LONRF1: variants seen among roughly 807,000 people sequenced by gnomAD.
LONRF1 encodes LON peptidase N-terminal domain and ring finger 1, also known as LON peptidase N-terminal domain and RING finger protein 1.
A neutral mutation model predicts 85.8 loss-of-function variants in LONRF1; 37 were observed. The ratio of observed to expected loss-of-function variants is 0.43; its 90% CI spans 0.33 to 0.57. LONRF1 has a LOEUF of 0.57. LONRF1 is among the 20% of genes least tolerant of loss of function. The pLI is 0.04. For missense variants in LONRF1, 1,036 were observed against 978.0 expected, an observed-to-expected ratio of 1.06 and a Z score of -0.79; for synonymous variants, 517 against 390.1, an observed-to-expected ratio of 1.33 and a Z score of -3.83.
chr8:12,722,060 C>A lies in LONRF1; in HGVS notation c.*1036G>T, dbSNP rs1392410989. 2 of 152,472 alleles carry A rather than the reference C, an allele frequency of 1.3e-5. No homozygotes were observed. The highest frequency in any genetic ancestry group is 2.9e-5 in the Non-Finnish European group (2 of 67,988). 9.4% of individuals were successfully genotyped at this position (152,472 alleles called of 1,614,324 possible). A position where few individuals can be genotyped will look rare whatever the true frequency, so the allele number is the denominator to read the frequency against. ...GTTTCTAGGGCAGCATGAATATAAA[C>A]CATGTTGCAGCATGGTGATCTAACT... On this transcript the variant is annotated 3_prime_UTR_variant, in exon 12 of 12. Transcript: ENST00000398246.
Position 12,737,944 on chromosome 8 carries a change from C to A in LONRF1, c.1113+51G>T, listed in dbSNP as rs568993941. 122 of 1,541,802 alleles carry A rather than the reference C, an allele frequency of 7.9e-5. 4 individuals are homozygous for A. The highest frequency in any genetic ancestry group is 7.4e-4 in the Admixed American group (33 of 44,328). On this transcript the variant is annotated intron_variant, in intron 4 of 11. Transcript: ENST00000398246. ...AACTAGGAAAGTGAAGCTCTTAACT[C>A]GTAAAGAAATGGATACGCTAAACTC... is the stretch of plus-strand genomic sequence containing the variant.
At chr8:12,738,295 G>T in intron 3 of LONRF1, 151 bp from the exon 4 acceptor site, 1 of 537,906 alleles carries the variant, frequency 1.9e-6, no homozygotes, top group Non-Finnish European at 3.1e-6. Context: ...AACACTGTAA[G>T]TTCAAAAGTC....
At chr8:12,736,365 G>C (rs1427967323) in intron 6 of LONRF1, among the ~76,000 whole-genome samples, 3 of 152,104 alleles carry the variant, frequency 2.0e-5, no homozygotes, top group Non-Finnish European at 4.4e-5. Context: ...TAAAACCATG[G>C]AGATAGGTAA....
intron 3 of LONRF1, among the ~76,000 whole-genome samples, chr8:12,739,448 C>G (rs1585241612): frequency 6.6e-6 from 1 of 151,268 alleles, no homozygotes; most frequent in Non-Finnish European, 1.5e-5. Context: ...TGACAAAAAT[C>G]TGAACAGTAG....
At chr8:12,731,981 G>T in intron 7 of LONRF1, 124 bp from the exon 8 acceptor site, 1 of 894,162 alleles carries the variant, frequency 1.1e-6, no homozygotes, top group Non-Finnish European at 1.7e-6. Context: ...GGATTAATTA[G>T]TGAGGGGAAC....
chr8:12,734,720 G>A (rs760582640), intron 7 of LONRF1, among the ~76,000 whole-genome samples: 16 of 152,082 alleles, frequency 1.1e-4, no homozygotes, highest in East Asian at 1.9e-4. Flanking sequence ...GCCCAATGTC[G>A]CAGCCATTAG....
chr8:12,741,092 G>A, intron 2 of LONRF1, 96 bp from the exon 3 acceptor site: 7 of 1,412,048 alleles, frequency 5.0e-6, no homozygotes, highest in Non-Finnish European at 6.8e-6. Flanking sequence ...GCTCAGCAGT[G>A]CCGATTCTGG....
intron 10 of LONRF1, among the ~76,000 whole-genome samples, chr8:12,728,606 C>G (rs576347170): frequency 6.6e-6 from 1 of 152,316 alleles, no homozygotes; most frequent in Non-Finnish European, 1.5e-5. Context: ...AAGTACCTAT[C>G]ACGTGTATAC....
intron 11 of LONRF1, 59 bp from the exon 12 acceptor site, chr8:12,723,313 G>T: frequency 6.7e-7 from 1 of 1,490,608 alleles, no homozygotes; most frequent in Non-Finnish European, 9.1e-7. Context: ...AACAACAGTA[G>T]CAAACCACCA....
At chr8:12,743,715 A>C (rs1799031886) in intron 1 of LONRF1, among the ~76,000 whole-genome samples, 1 of 152,162 alleles carries the variant, frequency 6.6e-6, no homozygotes, top group Admixed American at 6.5e-5. Context: ...ACTATTACAT[A>C]TGGAATTCCC....
intron 3 of LONRF1, among the ~76,000 whole-genome samples, chr8:12,738,362 A>T (rs1040381727): frequency 3.3e-5 from 5 of 152,168 alleles, no homozygotes; most frequent in Non-Finnish European, 7.4e-5. Flanking sequence ...ATGATTCAAA[A>T]CTTTGAAAGG....
At position 12,752,685 on chromosome 8, in the gene LONRF1, T is replaced by C. The variant is rs1247603464; in HGVS notation, c.721+2015A>G. ...AATATCCTCGATCCAAGAACCAGAA[T>C]CTCTGTTAACTAAAATATTATTGGT... is the stretch of plus-strand genomic sequence containing the variant. On this transcript the variant is annotated intron_variant, in intron 1 of 11. Coordinates refer to ENST00000398246, the MANE Select transcript of LONRF1 (RefSeq NM_152271.5). Among the ~76,000 whole-genome samples the C allele has an allele frequency of 7.2e-5, 11 of 152,160 alleles. No homozygotes were observed. The South Asian group carries it at 1.7e-3, about 23-fold the overall frequency.
intron 11 of LONRF1, among the ~76,000 whole-genome samples, chr8:12,724,724 A>G (rs1044088242): frequency 6.6e-6 from 1 of 152,230 alleles, no homozygotes; most frequent in South Asian, 2.1e-4. Context: ...TTCTTATTCA[A>G]TATTGTTCTT....
At position 12,739,939 on chromosome 8, in the gene LONRF1, G is replaced by A. The variant is rs565294275; in HGVS notation, c.963+935C>T. 7.9e-5 allele frequency among the ~76,000 whole-genome samples: 12 copies of A among 152,244 alleles called. No homozygotes were observed. The South Asian group carries it at 1.9e-3, about 24-fold the overall frequency. ...TACCAATGCCAGCTGGATTCTTAAG[G>A]CGGCTGAGATCTGAGAACAATCTCA... On this transcript the variant is annotated intron_variant, in intron 3 of 11. Coordinates refer to ENST00000398246, the MANE Select transcript of LONRF1 (RefSeq NM_152271.5).
At chr8:12,748,674 C>T (rs1293009544) in intron 1 of LONRF1, among the ~76,000 whole-genome samples, 1 of 152,084 alleles carries the variant, frequency 6.6e-6, no homozygotes, top group African/African-American at 2.4e-5. Flanking sequence ...ACCTTTAAAA[C>T]TTTGTGTTTA....
At chr8:12,727,189 C>T (rs1420701355) in intron 10 of LONRF1, 1 of 147,192 alleles carries the variant, frequency 6.8e-6, no homozygotes, top group Non-Finnish European at 1.5e-5. Flanking sequence ...ATGACAGGCT[C>T]TGGTAAACAA....
chr8:12,746,681 A>G (rs1016390414), intron 1 of LONRF1, among the ~76,000 whole-genome samples: 2 of 152,174 alleles, frequency 1.3e-5, no homozygotes, highest in South Asian at 4.1e-4. Context: ...ATGATTTACA[A>G]TCTTCAGCAC....
rs543871730 is a variant in LONRF1 at position 12,754,722 on chromosome 8, G to A, written c.699C>T (p.Ala233=). The A allele has an allele frequency of 3.4e-4, 469 of 1,396,752 alleles. 7 individuals are homozygous for A. In the East Asian group the frequency reaches 0.014, roughly 43 times the overall value. 86.5% of individuals were successfully genotyped at this position (1,396,752 alleles called of 1,614,324 possible). A position where few individuals can be genotyped will look rare whatever the true frequency, so the allele number is the denominator to read the frequency against. ...HQGRYREALA[A]ACEALRAEPS... ...CACCTGCTCGCAGCGCCTCGCAGGC[G>A]GCGGCCAGGGCCTCCCGGTAGCGCC... Residue 233 remains alanine, a synonymous_variant, in exon 1 of 12, where the codon GCC becomes GCT. Transcript: ENST00000398246.
intron 1 of LONRF1, among the ~76,000 whole-genome samples, chr8:12,747,745 GA>G: frequency 1.1e-5 from 1 of 92,384 alleles, no homozygotes; most frequent in Non-Finnish European, 2.4e-5. Context: ...CAGGTTGACT[GA>G]AATCTCTCTC....
Sources: gnomAD v4.1 joint callset for allele counts (sites outside exome capture counted in the v4.1 genomes callset) on GRCh38, gnomAD v4.1.1 for gene constraint, MANE v1.5 for transcripts, NCBI Gene and HGNC (gene_info 2026-07-23, HGNC 2026-07-21) for gene names.